Variants in PCDHA7 observed in about 807,000 individuals in gnomAD.
The protein encoded by PCDHA7 is protocadherin alpha 7, also known as protocadherin alpha-7.
In PCDHA7, 37 loss-of-function variants were observed where a neutral mutation model predicts 57.2. The observed-to-expected ratio is 0.65, with a 90% CI of 0.50 to 0.85. The LOEUF (loss-of-function observed/expected upper bound fraction) is 0.85, where lower values mean the gene tolerates loss of function less well. Among genes scored for constraint, PCDHA7 ranks in the 40% least tolerant of loss-of-function variants. PCDHA7 has a pLI of 0.00. For synonymous variants in PCDHA7, 553 were observed against 558.8 expected, an observed-to-expected ratio of 0.99 and a Z score of 0.15; for missense variants, 1,188 against 1,241.8, an observed-to-expected ratio of 0.96 and a Z score of 0.65.
rs2150457668 is a variant in PCDHA7 at position 140,849,921 on chromosome 5, A to T, written c.2355+13183A>T. The T allele has an allele frequency of 1.2e-5, 19 of 1,598,094 alleles. 1 individual carries two copies. Among genetic ancestry groups the T allele is most frequent in the Non-Finnish European group, 1.5e-5 (17 of 1,167,772 alleles). Reference sequence around the variant, plus strand: ...CAACCCGCCGGGCTGCCACATCTTCACGGTGTCTGCGCGGGACGCTGACGC... The same window carrying T: ...CAACCCGCCGGGCTGCCACATCTTCTCGGTGTCTGCGCGGGACGCTGACGC... On this transcript the variant is annotated intron_variant, in intron 1 of 3. Transcript: ENST00000525929.
intron 1 of PCDHA7, among the ~76,000 whole-genome samples, chr5:140,846,781 T>C (rs1259185790): frequency 3.3e-5 from 5 of 149,452 alleles, no homozygotes; most frequent in African/African-American, 4.9e-5. Context: ...TCAGGAATTA[T>C]TACTGAGCCC....
At chr5:140,919,306 A>T (rs1407810868) in intron 1 of PCDHA7, among the ~76,000 whole-genome samples, 1 of 152,150 alleles carries the variant, frequency 6.6e-6, no homozygotes, top group Non-Finnish European at 1.5e-5. Context: ...TGTACAATAT[A>T]TGTTTTCCCA....
chr5:140,956,189 A>C (rs2095264873), intron 1 of PCDHA7, among the ~76,000 whole-genome samples: 1 of 152,142 alleles, frequency 6.6e-6, no homozygotes, highest in South Asian at 2.1e-4. Context: ...ACTATGCTGA[A>C]TAGGAGTGGT....
chr5:140,854,159 C>CAAAA (rs59855104), intron 1 of PCDHA7: 33,814 of 339,152 alleles, frequency 0.1, 739 homozygotes, highest in Middle Eastern at 0.12. Flanking sequence ...GATTCTGTCT[C>CAAAA]AAAAAAAAAA....
At chr5:140,875,844 G>A in intron 1 of PCDHA7, 1 of 1,614,178 alleles carries the variant, frequency 6.2e-7, no homozygotes, top group Non-Finnish European at 8.5e-7. Flanking sequence ...TGGAGGTGAA[G>A]GACATTAACG....
intron 1 of PCDHA7, chr5:140,855,800 A>C: frequency 2.1e-6 from 1 of 475,828 alleles, no homozygotes; most frequent in Non-Finnish European, 3.7e-6. Context: ...TAACATATGA[A>C]TGAAAGAAAA....
intron 1 of PCDHA7, among the ~76,000 whole-genome samples, chr5:140,957,202 A>G (rs75358038): frequency 1.8e-4 from 28 of 152,316 alleles, no homozygotes; most frequent in Non-Finnish European, 2.9e-4. Flanking sequence ...TGGGAATATA[A>G]ATAGGCACAA....
chr5:140,883,701 C>T (rs782806604), intron 1 of PCDHA7: 1 of 1,613,808 alleles, frequency 6.2e-7, no homozygotes, highest in Admixed American at 1.7e-5. Flanking sequence ...TTCACGGTGT[C>T]TGCTCAGGAC....
chr5:140,971,692 C>T (rs2096492766), intron 1 of PCDHA7, among the ~76,000 whole-genome samples: 1 of 152,116 alleles, frequency 6.6e-6, no homozygotes, highest in South Asian at 2.1e-4. Context: ...TTTGTACTCA[C>T]TAACCACCCT....
At chr5:140,877,730 A>C in intron 1 of PCDHA7, 1 of 1,614,146 alleles carries the variant, frequency 6.2e-7, no homozygotes, top group Non-Finnish European at 8.5e-7. Context: ...TACTCGCAGC[A>C]GAGGAGGCAG....
chr5:140,985,899 C>T (rs1303947192), intron 3 of PCDHA7, among the ~76,000 whole-genome samples: 2 of 152,020 alleles, frequency 1.3e-5, no homozygotes, highest in African/African-American at 4.8e-5. Flanking sequence ...GCCACCACTC[C>T]CGTCTAATTT....
intron 1 of PCDHA7, among the ~76,000 whole-genome samples, chr5:140,906,637 C>A (rs1171706512): frequency 6.6e-6 from 1 of 152,226 alleles, no homozygotes; most frequent in Non-Finnish European, 1.5e-5. Flanking sequence ...AGCACCTCAG[C>A]AGGTAGTGGT....
intron 1 of PCDHA7, 78 bp from the exon 2 acceptor site, chr5:140,978,871 T>A (rs1328301924): frequency 6.2e-7 from 1 of 1,606,392 alleles, no homozygotes; most frequent in Non-Finnish European, 8.5e-7. Context: ...TTTAAGGGAG[T>A]AACTAATCAA....
intron 1 of PCDHA7, among the ~76,000 whole-genome samples, chr5:140,900,485 C>T (rs577392455): frequency 6.6e-5 from 10 of 152,310 alleles, no homozygotes; most frequent in African/African-American, 2.2e-4. Flanking sequence ...CCATGTTGGT[C>T]AGACTGGTCT....
intron 1 of PCDHA7, chr5:140,875,846 A>T: frequency 6.2e-7 from 1 of 1,614,176 alleles, no homozygotes. Context: ...GAGGTGAAGG[A>T]CATTAACGAC....
chr5:140,969,281 A>C, intron 1 of PCDHA7: 5 of 1,614,220 alleles, frequency 3.1e-6, no homozygotes, highest in Non-Finnish European at 3.4e-6. Context: ...AAGTGGTCAG[A>C]ATGCTGGGAA....
At chr5:140,928,669 A>C in intron 1 of PCDHA7, 1 of 1,614,160 alleles carries the variant, frequency 6.2e-7, no homozygotes, top group Non-Finnish European at 8.5e-7. Flanking sequence ...CAGTGGTTCT[A>C]ATGCCTGGCT....
At chr5:140,927,527 C>G in intron 1 of PCDHA7, 1 of 1,614,084 alleles carries the variant, frequency 6.2e-7, no homozygotes, top group African/African-American at 1.3e-5. Context: ...GGGCTACCTG[C>G]CCGCTCAGGA....
intron 1 of PCDHA7, among the ~76,000 whole-genome samples, chr5:140,840,126 A>G (rs1776573004): frequency 6.6e-6 from 1 of 152,062 alleles, no homozygotes; most frequent in African/African-American, 2.4e-5. Flanking sequence ...CTGTACTAAT[A>G]AGGACAGAAA....
Sources: gnomAD v4.1 joint callset for allele counts (sites outside exome capture counted in the v4.1 genomes callset) on GRCh38, gnomAD v4.1.1 for gene constraint, MANE v1.5 for transcripts, NCBI Gene and HGNC (gene_info 2026-07-23, HGNC 2026-07-21) for gene names.